SRPK2: variants seen among roughly 807,000 people sequenced by gnomAD.
SRPK2 encodes SRSF protein kinase 2.
A neutral mutation model predicts 90.8 loss-of-function variants in SRPK2; 21 were observed. The ratio of observed to expected loss-of-function variants is 0.23; its 90% CI spans 0.16 to 0.33. The LOEUF (loss-of-function observed/expected upper bound fraction) is 0.33, where lower values mean the gene tolerates loss of function less well. Among genes scored for constraint, SRPK2 ranks in the 10% least tolerant of loss-of-function variants. SRPK2 has a pLI of 1.00. For missense variants in SRPK2, 620 were observed against 869.0 expected (o/e 0.71, Z 3.60); for synonymous variants, 288 against 311.1 (o/e 0.93, Z 0.78).
In SRPK2 at chr7:105,195,563, C is replaced by T. The variant is rs574914353; in HGVS notation, c.229+8065G>A. On this transcript the variant is annotated intron_variant, in intron 3 of 15. Coordinates refer to ENST00000393651, the MANE Select transcript of SRPK2 (RefSeq NM_182692.3). ...ATCTTCTACCATCAATTTTTAGTTTCCCCATTTGTTAGGAAAACACAAGCA... is the reference window on the plus strand; with the variant it reads ...ATCTTCTACCATCAATTTTTAGTTTTCCCATTTGTTAGGAAAACACAAGCA... 1.2e-4 allele frequency among the ~76,000 whole-genome samples: 18 copies of T among 152,304 alleles called. No individual in the cohort carries two copies. The South Asian group carries it at 3.7e-3, about 32-fold the overall frequency.
chr7:105,233,063 CAAGG>C (rs1171206364), intron 2 of SRPK2, among the ~76,000 whole-genome samples: 24 of 116,966 alleles, frequency 2.1e-4, no homozygotes, highest in East Asian at 9.1e-4. Flanking sequence ...AGGGAGGGAG[CAAGG>C]AAGGAAGGAA....
chr7:105,192,887 T>C (rs1339983822), intron 3 of SRPK2, among the ~76,000 whole-genome samples: 2 of 152,026 alleles, frequency 1.3e-5, no homozygotes, highest in Admixed American at 6.5e-5. Context: ...CACTTTTTCA[T>C]GGGATTTTTT....
At chr7:105,243,419 C>T (rs991181882) in intron 2 of SRPK2, among the ~76,000 whole-genome samples, 2 of 152,114 alleles carry the variant, frequency 1.3e-5, no homozygotes, top group Non-Finnish European at 1.5e-5. Context: ...CATTTGTAAT[C>T]CCAACACTTT....
intron 15 of SRPK2, among the ~76,000 whole-genome samples, chr7:105,123,840 A>G (rs935375959): frequency 6.6e-6 from 1 of 152,232 alleles, no homozygotes; most frequent in East Asian, 1.9e-4. Flanking sequence ...ACCTAGTCAC[A>G]AACGGTCTCT....
At chr7:105,397,541 G>C (rs1045722244) in intron 1 of SRPK2, among the ~76,000 whole-genome samples, 2 of 151,792 alleles carry the variant, frequency 1.3e-5, no homozygotes, top group Non-Finnish European at 2.9e-5. Context: ...TATTGGCGAG[G>C]CTGGTCTCGA....
chr7:105,348,381 A>G (rs1388757413), intron 2 of SRPK2, among the ~76,000 whole-genome samples: 2 of 150,160 alleles, frequency 1.3e-5, no homozygotes, highest in East Asian at 2.0e-4. Flanking sequence ...GTCAAACTTA[A>G]TAAGCCACTA....
chr7:105,285,385 CAAAAAAAAAAAA>C lies in SRPK2; in HGVS notation c.72-81612_72-81601del, dbSNP rs58399129. ...GGGCAACAGAGTGAGACCCCGTCTC[CAAAAAAAAAAAA>C]AAAAAAAAAAGGAAAAGGAAAAGAA... On this transcript the variant is annotated intron_variant, in intron 2 of 15. Transcript: ENST00000393651. 1.3e-3 allele frequency among the ~76,000 whole-genome samples: 136 copies of C among 106,210 alleles called. 1 individual carries two copies. Among genetic ancestry groups the C allele is most frequent in the African/African-American group, 4.8e-3 (132 of 27,622 alleles). 69.7% of individuals were successfully genotyped at this position (106,210 alleles called of 152,430 possible).
intron 7 of SRPK2, among the ~76,000 whole-genome samples, chr7:105,156,607 C>T (rs2129580641): frequency 6.6e-6 from 1 of 152,196 alleles, no homozygotes; most frequent in East Asian, 1.9e-4. Flanking sequence ...CTCAAGTGAT[C>T]CTCCGACCTC....
intron 3 of SRPK2, among the ~76,000 whole-genome samples, chr7:105,189,021 C>G (rs1046608190): frequency 6.6e-6 from 1 of 152,164 alleles, no homozygotes; most frequent in Non-Finnish European, 1.5e-5. Flanking sequence ...AAGAAGCCAC[C>G]ATGTTAATTG....
At chr7:105,234,445 T>C (rs1799886380) in intron 2 of SRPK2, among the ~76,000 whole-genome samples, 1 of 152,200 alleles carries the variant, frequency 6.6e-6, no homozygotes, top group African/African-American at 2.4e-5. Context: ...ATCTCTACGA[T>C]GTGCTAAATA....
At chr7:105,241,447 G>A (rs1800806035) in intron 2 of SRPK2, among the ~76,000 whole-genome samples, 1 of 152,068 alleles carries the variant, frequency 6.6e-6, no homozygotes, top group African/African-American at 2.4e-5. Flanking sequence ...TCTAAATCAA[G>A]TTGTCCCTCA....
chr7:105,259,454 C>T (rs931266044), intron 2 of SRPK2, among the ~76,000 whole-genome samples: 2 of 152,266 alleles, frequency 1.3e-5, no homozygotes, highest in Admixed American at 6.5e-5. Context: ...AATGGCCACA[C>T]GGCCTAAGGT....
At chr7:105,156,308 TTC>T (rs1714061230) in intron 7 of SRPK2, among the ~76,000 whole-genome samples, 3 of 152,210 alleles carry the variant, frequency 2.0e-5, no homozygotes, top group Non-Finnish European at 4.4e-5. Flanking sequence ...CTCTCTGGGC[TTC>T]TGTTTCCTCT....
intron 11 of SRPK2, among the ~76,000 whole-genome samples, chr7:105,140,514 T>C (rs1803574754): frequency 2.0e-5 from 3 of 151,102 alleles, no homozygotes; most frequent in South Asian, 2.1e-4. Flanking sequence ...GGCAGGAGAA[T>C]TGCTTGAGTT....
At chr7:105,248,617 TAAAC>T (rs1289370139) in intron 2 of SRPK2, among the ~76,000 whole-genome samples, 2 of 149,704 alleles carry the variant, frequency 1.3e-5, no homozygotes, top group Admixed American at 6.6e-5. Context: ...AAAAAACAAA[TAAAC>T]AAACAAAAAA....
intron 3 of SRPK2, among the ~76,000 whole-genome samples, chr7:105,172,038 C>G (rs1348448018): frequency 6.6e-6 from 1 of 152,120 alleles, no homozygotes; most frequent in African/African-American, 2.4e-5. Flanking sequence ...GGATTACAGG[C>G]TTGCACCACC....
chr7:105,255,855 C>G (rs536265619), intron 2 of SRPK2, among the ~76,000 whole-genome samples: 31 of 151,562 alleles, frequency 2.0e-4, no homozygotes, highest in Non-Finnish European at 4.1e-4. Context: ...TTGCTTGAAC[C>G]TGGGAGGCAG....
chr7:105,242,150 C>G (rs561992205), intron 2 of SRPK2, among the ~76,000 whole-genome samples: 1 of 152,172 alleles, frequency 6.6e-6, no homozygotes, highest in Non-Finnish European at 1.5e-5. Context: ...TCAAATGACC[C>G]TTCAACCTTA....
chr7:105,229,099 G>A (rs1048562952), intron 2 of SRPK2, among the ~76,000 whole-genome samples: 1 of 152,184 alleles, frequency 6.6e-6, no homozygotes, highest in African/African-American at 2.4e-5. Flanking sequence ...GGGAACTGCA[G>A]TGAGTTCAAC....
Sources: gnomAD v4.1 joint callset for allele counts (sites outside exome capture counted in the v4.1 genomes callset) on GRCh38, gnomAD v4.1.1 for gene constraint, MANE v1.5 for transcripts, NCBI Gene and HGNC (gene_info 2026-07-23, HGNC 2026-07-21) for gene names.